The following JAKMIP2 variants were observed in gnomAD, a reference collection of about 807,000 sequenced individuals.
JAKMIP2 encodes janus kinase and microtubule-interacting protein 2.
A neutral mutation model predicts 115.0 loss-of-function variants in JAKMIP2; 25 were observed. The observed-to-expected ratio is 0.22, with a 90% CI of 0.16 to 0.30. The LOEUF (loss-of-function observed/expected upper bound fraction) is 0.30. JAKMIP2 is among the 10% of genes least tolerant of loss of function. JAKMIP2 has a pLI of 1.00. For synonymous variants in JAKMIP2, 334 were observed against 343.6 expected, an observed-to-expected ratio of 0.97 and a Z score of 0.31; for missense variants, 642 against 957.6, an observed-to-expected ratio of 0.67 and a Z score of 4.35.
intron 9 of JAKMIP2, 83 bp from the exon 10 acceptor site, chr5:147,639,843 C>A: frequency 6.7e-7 from 1 of 1,502,590 alleles, no homozygotes. Flanking sequence ...CATTTGCCCA[C>A]TTTTTACAAG....
At position 147,591,517 on chromosome 5, in the gene JAKMIP2, C is replaced by T; in HGVS notation, c.*190G>A. ...GATTTTCAACAGGGTTGTGTAGGAA[C>T]TGTCAAGTAAGAAACCTTGAATAAT... On this transcript the variant is annotated 3_prime_UTR_variant, in exon 22 of 22. Transcript: ENST00000616793. The T allele has an allele frequency of 1.4e-6, 1 of 697,152 alleles. No individual in the cohort carries two copies. The highest frequency in any genetic ancestry group is 2.6e-6 in the Non-Finnish European group (1 of 391,304). 43.2% of individuals were successfully genotyped at this position (697,152 alleles called of 1,614,324 possible).
intron 20 of JAKMIP2, among the ~76,000 whole-genome samples, chr5:147,611,475 A>G (rs1581283896): frequency 6.6e-6 from 1 of 152,092 alleles, no homozygotes; most frequent in East Asian, 1.9e-4. Flanking sequence ...GGGTGAGGCA[A>G]CACCCCACCC....
chr5:147,601,839 T>C (rs1235372530), intron 20 of JAKMIP2, 28 bp from the exon 21 acceptor site: 3 of 1,072,730 alleles, frequency 2.8e-6, no homozygotes, highest in Non-Finnish European at 4.1e-6. Flanking sequence ...GAAGATTATG[T>C]AAATCTGAAT....
At chr5:147,685,833 T>C (rs1030574486) in intron 1 of JAKMIP2, among the ~76,000 whole-genome samples, 11 of 152,224 alleles carry the variant, frequency 7.2e-5, no homozygotes, top group Non-Finnish European at 1.3e-4. Flanking sequence ...TCAGAGATCT[T>C]AATTTAAAAT....
At chr5:147,742,225 C>T (rs1340616939) in intron 1 of JAKMIP2, among the ~76,000 whole-genome samples, 1 of 147,886 alleles carries the variant, frequency 6.8e-6, no homozygotes, top group Non-Finnish European at 1.5e-5. Context: ...GCAATATGCT[C>T]CTTAAGATAA....
intron 16 of JAKMIP2, among the ~76,000 whole-genome samples, chr5:147,624,915 C>T (rs1295618322): frequency 1.3e-5 from 2 of 152,128 alleles, no homozygotes; most frequent in Non-Finnish European, 2.9e-5. Flanking sequence ...AAACATGAGG[C>T]AGTATCCATT....
At chr5:147,766,146 C>T (rs775683333) in intron 1 of JAKMIP2, among the ~76,000 whole-genome samples, 8 of 152,164 alleles carry the variant, frequency 5.3e-5, no homozygotes, top group African/African-American at 2.4e-5. Flanking sequence ...TTCTCCCTCT[C>T]GGCCTCACTT....
chr5:147,670,648 TTATG>T (rs145401574), intron 2 of JAKMIP2, among the ~76,000 whole-genome samples: 13,107 of 152,208 alleles, frequency 0.086, 675 homozygotes, highest in Admixed American at 0.14. Context: ...TGCAAGTTTA[TTATG>T]TGTCAGGCAG....
Position 147,729,914 on chromosome 5 carries a change from C to G in JAKMIP2, c.-149+52542G>C, listed in dbSNP as rs960616020. Among the ~76,000 whole-genome samples, 5 of 152,152 alleles carry G rather than the reference C, an allele frequency of 3.3e-5. No homozygotes were observed. In the South Asian group the frequency reaches 1.0e-3, roughly 32 times the overall value. On this transcript the variant is annotated intron_variant, in intron 1 of 21. Coordinates refer to ENST00000616793, the MANE Select transcript of JAKMIP2 (RefSeq NM_001270941.2). ...GAAGCAGACACTGAAGTCAGCTCAG[C>G]CTGGTTTGAAATAAGCTTGGCCATT...
At chr5:147,736,415 G>A (rs1008649838) in intron 1 of JAKMIP2, among the ~76,000 whole-genome samples, 10 of 151,982 alleles carry the variant, frequency 6.6e-5, no homozygotes, top group East Asian at 1.9e-4. Context: ...CCAAGATTGC[G>A]CCACTGCACT....
chr5:147,598,919 T>G (rs1755549295), intron 21 of JAKMIP2, among the ~76,000 whole-genome samples: 1 of 152,208 alleles, frequency 6.6e-6, no homozygotes, highest in African/African-American at 2.4e-5. Flanking sequence ...TCTTCCTATT[T>G]CTATCTTGCC....
chr5:147,695,608 G>A (rs1362592149), intron 1 of JAKMIP2, among the ~76,000 whole-genome samples: 2 of 151,586 alleles, frequency 1.3e-5, no homozygotes, highest in Non-Finnish European at 2.9e-5. Flanking sequence ...AGTAAGGTTT[G>A]CATTTCTCAT....
At chr5:147,658,637 C>T (rs969136306) in intron 3 of JAKMIP2, among the ~76,000 whole-genome samples, 2 of 152,192 alleles carry the variant, frequency 1.3e-5, no homozygotes, top group African/African-American at 4.8e-5. Context: ...ACAGCCGCCC[C>T]TCCCCTCAAG....
chr5:147,660,193 A>C lies in JAKMIP2; in HGVS notation c.627+755T>G, dbSNP rs77043623. On this transcript the variant is annotated intron_variant, in intron 3 of 21. Transcript: ENST00000616793. ...GTCAACCTAGGACATTCTAATTTTCAGATGATAATTATATTTGTATTATAT... is the reference window on the plus strand; with the variant it reads ...GTCAACCTAGGACATTCTAATTTTCCGATGATAATTATATTTGTATTATAT... 7.4e-3 allele frequency among the ~76,000 whole-genome samples: 1,120 copies of C among 152,312 alleles called. 50 individuals are homozygous for C. In the East Asian group the frequency reaches 0.13, roughly 17 times the overall value.
chr5:147,742,408 C>T (rs1191570311), intron 1 of JAKMIP2, among the ~76,000 whole-genome samples: 1 of 151,992 alleles, frequency 6.6e-6, no homozygotes, highest in African/African-American at 2.4e-5. Flanking sequence ...TGTTCTCATT[C>T]CTACCTTCCT....
chr5:147,591,672 ATG>A lies in JAKMIP2; in HGVS notation c.*33_*34del. The A allele has an allele frequency of 1.3e-6, 2 of 1,596,324 alleles. No individual in the cohort carries two copies. Among genetic ancestry groups the A allele is most frequent in the Non-Finnish European group, 1.7e-6 (2 of 1,167,552 alleles). On this transcript the variant is annotated 3_prime_UTR_variant, in exon 22 of 22. Coordinates refer to ENST00000616793, the MANE Select transcript of JAKMIP2 (RefSeq NM_001270941.2). The stretch of plus-strand genomic sequence containing the variant: ...CACTTGTCTTCCTGGGATCTTATCC[ATG>A]TTTTCGGTTACTCTGCAAAACAGAG...
At chr5:147,635,656 G>C (rs1306848561) in intron 12 of JAKMIP2, among the ~76,000 whole-genome samples, 1 of 152,132 alleles carries the variant, frequency 6.6e-6, no homozygotes, top group Non-Finnish European at 1.5e-5. Context: ...CCGCCTCTTG[G>C]GTTCAGATGA....
In JAKMIP2 at chr5:147,636,925, T is replaced by A. The variant is rs771181466; in HGVS notation, c.1614+40A>T. 4.6e-6 allele frequency: 4 copies of A among 871,950 alleles called. No homozygotes were observed. In the East Asian group the frequency reaches 9.6e-5, roughly 21 times the overall value. 54.0% of individuals were successfully genotyped at this position (871,950 alleles called of 1,614,324 possible). On this transcript the variant is annotated intron_variant, in intron 11 of 21. Transcript: ENST00000616793. ...TGAGCTACAGGAAGGTCAGATTGAA[T>A]TGTCTGCATCTGCAGAAGAGCTAGC... is the stretch of plus-strand genomic sequence containing the variant.
intron 21 of JAKMIP2, among the ~76,000 whole-genome samples, chr5:147,598,461 A>ATCTATCG: frequency 3.7e-5 from 1 of 26,686 alleles, no homozygotes; most frequent in South Asian, 1.2e-3. Context: ...TCTATCTATC[A>ATCTATCG]TCTATCTATG....
Sources: allele counts gnomAD v4.1 joint callset (sites outside exome capture counted in the v4.1 genomes callset), GRCh38; gene constraint gnomAD v4.1.1; transcripts MANE v1.5; gene names NCBI Gene and HGNC (gene_info 2026-07-23, HGNC 2026-07-21).